The following SH3GL2 variants were observed in gnomAD, a reference collection of about 807,000 sequenced individuals.
SH3GL2 encodes the protein endophilin-A1.
Under a neutral mutation model 46.0 loss-of-function variants are expected in SH3GL2, and 24 were observed. That is an observed-to-expected ratio of 0.52 (90% CI 0.38 to 0.73). The LOEUF (loss-of-function observed/expected upper bound fraction) is 0.73. Among genes scored for constraint, SH3GL2 ranks in the 30% least tolerant of loss-of-function variants. SH3GL2 has a pLI of 0.00. For missense variants in SH3GL2, 413 were observed against 424.2 expected (o/e 0.97, Z 0.23); for synonymous variants, 196 against 147.1 (o/e 1.33, Z -2.40).
At chr9:17,619,673 A>G (rs1393227758) in intron 1 of SH3GL2, among the ~76,000 whole-genome samples, 1 of 148,122 alleles carries the variant, frequency 6.8e-6, no homozygotes, top group Non-Finnish European at 1.5e-5. Context: ...GTGAAACTCC[A>G]TCTCAAAAAA....
chr9:17,734,394 T>C (rs1215481337), intron 1 of SH3GL2, among the ~76,000 whole-genome samples: 1 of 152,118 alleles, frequency 6.6e-6, no homozygotes, highest in East Asian at 1.9e-4. Context: ...GGTAAAGTAC[T>C]TTACAATTGA....
rs994400973 is a variant in SH3GL2 at position 17,596,342 on chromosome 9, AT to A, written c.45+17066del. 2.8e-3 allele frequency among the ~76,000 whole-genome samples: 410 copies of A among 148,564 alleles called. 1 individual carries two copies. Among genetic ancestry groups the A allele is most frequent in the African/African-American group, 8.9e-3 (361 of 40,578 alleles). On this transcript the variant is annotated intron_variant, in intron 1 of 8. Coordinates refer to ENST00000380607, the MANE Select transcript of SH3GL2 (RefSeq NM_003026.5). ...TTGCTGGCATTTCTTTTAAATGAAG[AT>A]TTTTTTTTTTCAGTTCCCTAAGTCT...
chr9:17,735,337 G>A (rs1419878180), intron 1 of SH3GL2, among the ~76,000 whole-genome samples: 1 of 152,064 alleles, frequency 6.6e-6, no homozygotes, highest in Non-Finnish European at 1.5e-5. Flanking sequence ...TTTAATGTAT[G>A]AGTATAAGCA....
At chr9:17,788,900 C>G (rs964197537) in intron 5 of SH3GL2, among the ~76,000 whole-genome samples, 1 of 144,146 alleles carries the variant, frequency 6.9e-6, no homozygotes, top group Non-Finnish European at 1.6e-5. Context: ...TGATGAGCAA[C>G]TTACGTGATT....
chr9:17,665,145 G>A (rs1464357819), intron 1 of SH3GL2, among the ~76,000 whole-genome samples: 2 of 152,058 alleles, frequency 1.3e-5, no homozygotes, highest in African/African-American at 4.8e-5. Context: ...AAGAGTTCCT[G>A]TAGACTAACC....
At chr9:17,705,248 G>A (rs1369324820) in intron 1 of SH3GL2, among the ~76,000 whole-genome samples, 1 of 152,052 alleles carries the variant, frequency 6.6e-6, no homozygotes, top group Admixed American at 6.6e-5. Context: ...AATAACAGAT[G>A]TTGGCAAGAT....
At chr9:17,602,305 G>A (rs758329233) in intron 1 of SH3GL2, among the ~76,000 whole-genome samples, 2 of 152,308 alleles carry the variant, frequency 1.3e-5, no homozygotes, top group South Asian at 4.1e-4. Context: ...CTGTCCAAAA[G>A]GCGAAAGTAA....
intron 1 of SH3GL2, among the ~76,000 whole-genome samples, chr9:17,714,989 C>T (rs1490230228): frequency 6.6e-6 from 1 of 151,664 alleles, no homozygotes; most frequent in Non-Finnish European, 1.5e-5. Context: ...AAGGTGTTTT[C>T]ACAGGATATA....
chr9:17,768,090 G>T (rs1297566635), intron 3 of SH3GL2, among the ~76,000 whole-genome samples: 1 of 151,988 alleles, frequency 6.6e-6, no homozygotes, highest in Non-Finnish European at 1.5e-5. Flanking sequence ...TCTTAATCAG[G>T]GCTGGGCACA....
intron 1 of SH3GL2, among the ~76,000 whole-genome samples, chr9:17,703,997 A>G (rs1821403067): frequency 1.3e-5 from 2 of 152,096 alleles, no homozygotes; most frequent in African/African-American, 2.4e-5. Flanking sequence ...GAGGAAGTCA[A>G]ACTATCTGTC....
chr9:17,767,656 A>G (rs1823352679), intron 3 of SH3GL2, among the ~76,000 whole-genome samples: 1 of 152,200 alleles, frequency 6.6e-6, no homozygotes. Flanking sequence ...AGGTGTATGA[A>G]TGAATATATC....
At chr9:17,741,708 G>A (rs894222431) in intron 1 of SH3GL2, among the ~76,000 whole-genome samples, 1 of 152,142 alleles carries the variant, frequency 6.6e-6, no homozygotes, top group Non-Finnish European at 1.5e-5. Context: ...GTTAATTACT[G>A]AAGTCTCAGA....
intron 3 of SH3GL2, among the ~76,000 whole-genome samples, chr9:17,784,822 T>C (rs1481907512): frequency 1.3e-5 from 2 of 152,174 alleles, no homozygotes; most frequent in Non-Finnish European, 2.9e-5. Flanking sequence ...GAGCAATCTT[T>C]CCACGTCAGC....
intron 1 of SH3GL2, among the ~76,000 whole-genome samples, chr9:17,713,999 G>T (rs1424053813): frequency 6.6e-6 from 1 of 151,564 alleles, no homozygotes; most frequent in African/African-American, 2.4e-5. Flanking sequence ...TTTAATTTAG[G>T]ATTTTGTCTG....
intron 1 of SH3GL2, among the ~76,000 whole-genome samples, chr9:17,606,399 C>T (rs1048523128): frequency 2.0e-5 from 3 of 152,144 alleles, no homozygotes; most frequent in African/African-American, 7.2e-5. Flanking sequence ...TCAGACCCCA[C>T]AACTCCCAAG....
chr9:17,619,061 T>C (rs1434266690), intron 1 of SH3GL2, among the ~76,000 whole-genome samples: 2 of 152,222 alleles, frequency 1.3e-5, no homozygotes, highest in African/African-American at 4.8e-5. Context: ...AACTGTGCGC[T>C]AGATACAATT....
chr9:17,699,485 G>A (rs543389967), intron 1 of SH3GL2, among the ~76,000 whole-genome samples: 5 of 152,088 alleles, frequency 3.3e-5, no homozygotes, highest in African/African-American at 7.2e-5. Flanking sequence ...ATCCCCACAC[G>A]TGTGTACAGT....
At chr9:17,665,241 T>C (rs76083345) in intron 1 of SH3GL2, among the ~76,000 whole-genome samples, 29 of 152,308 alleles carry the variant, frequency 1.9e-4, no homozygotes, top group Non-Finnish European at 3.2e-4. Context: ...AAACTTTTTA[T>C]ATCCAGTCCA....
chr9:17,629,327 A>G (rs1003627630), intron 1 of SH3GL2, among the ~76,000 whole-genome samples: 9 of 152,206 alleles, frequency 5.9e-5, no homozygotes, highest in Admixed American at 5.2e-4. Flanking sequence ...TTTTTCCTAA[A>G]ATTGTGAGAT....
Sources: allele counts gnomAD v4.1 joint callset (sites outside exome capture counted in the v4.1 genomes callset), GRCh38; gene constraint gnomAD v4.1.1; transcripts MANE v1.5; gene names NCBI Gene and HGNC (gene_info 2026-07-23, HGNC 2026-07-21).